Variants in TATDN3 observed in about 807,000 individuals in gnomAD.
TATDN3 encodes deoxyribonuclease TATDN3.
Under a neutral mutation model 40.1 loss-of-function variants are expected in TATDN3, and 29 were observed. That is an observed-to-expected ratio of 0.72 (90% CI 0.54 to 0.99). The LOEUF is 0.99. Ranked by LOEUF, TATDN3 falls within the 50% of genes least tolerant of loss-of-function variation. The probability of loss-of-function intolerance (pLI) is 0.00; values close to 1 mark genes in which losing one functional copy is unlikely to be tolerated. For synonymous variants in TATDN3, 105 were observed against 117.0 expected (o/e 0.90, Z 0.66); for missense variants, 309 against 321.9 (o/e 0.96, Z 0.31).
chr1:212,796,657 A>G (rs923116472), intron 3 of TATDN3, 67 bp downstream of exon 3: 1 of 1,108,202 alleles, frequency 9.0e-7, no homozygotes. Flanking sequence ...CCAGTTTATA[A>G]TATCAAAGAT....
chr1:212,815,324 GA>G lies in TATDN3; in HGVS notation c.*171del. 1 of 769,854 alleles carries G rather than the reference GA, an allele frequency of 1.3e-6. No individual in the cohort carries two copies. Among genetic ancestry groups the G allele is most frequent in the Non-Finnish European group, 1.9e-6 (1 of 538,036 alleles). The allele number at this position is 769,854 out of a possible 1,614,324, so 47.7% of individuals were successfully genotyped here. ...AGAAATAAAACTGGGCTTGGATCCT[GA>G]AACCCTGGGTTCTGATTCTAGCCTT... On this transcript the variant is annotated 3_prime_UTR_variant, in exon 10 of 10. Transcript: ENST00000366974.
intron 2 of TATDN3, among the ~76,000 whole-genome samples, chr1:212,795,770 G>A (rs963968794): frequency 1.3e-5 from 2 of 151,816 alleles, no homozygotes; most frequent in African/African-American, 4.8e-5. Flanking sequence ...GGCCTTTCTC[G>A]ACTTTACCTC....
At chr1:212,811,927 T>C (rs1662910877) in intron 8 of TATDN3, among the ~76,000 whole-genome samples, 1 of 152,062 alleles carries the variant, frequency 6.6e-6, no homozygotes, top group South Asian at 2.1e-4. Context: ...AGTCTTGAAC[T>C]CCTGACCTTA....
intron 5 of TATDN3, among the ~76,000 whole-genome samples, chr1:212,803,728 T>G (rs1571961071): frequency 2.0e-5 from 3 of 151,726 alleles, no homozygotes; most frequent in Admixed American, 2.0e-4. Context: ...TTTCAAAGTT[T>G]TAGTACCAAA....
intron 1 of TATDN3, among the ~76,000 whole-genome samples, chr1:212,794,259 T>G (rs1661571711): frequency 7.1e-6 from 1 of 140,754 alleles, no homozygotes; most frequent in Admixed American, 7.2e-5. Context: ...CCAGCCTGGG[T>G]GACAGAGCGA....
intron 5 of TATDN3, among the ~76,000 whole-genome samples, chr1:212,803,625 C>T (rs915617327): frequency 8.6e-5 from 13 of 151,842 alleles, no homozygotes; most frequent in Admixed American, 5.9e-4. Flanking sequence ...TAGTCTGTGC[C>T]GTCCAATATA....
rs1178117903 is a variant in TATDN3, at chr1:212,810,479, G to A, written c.601-1769G>A. ...GTGAGCCGAGATCGCGCCACTGCAC[G>A]CCAGCCTGGGTGACAGAGCGAGACT... On this transcript the variant is annotated intron_variant, in intron 8 of 9. Coordinates refer to ENST00000366974, the MANE Select transcript of TATDN3 (RefSeq NM_001042552.3). 1.1e-4 allele frequency among the ~76,000 whole-genome samples: 14 copies of A among 126,834 alleles called. No individual in the cohort carries two copies. In the South Asian group the frequency reaches 1.6e-3, roughly 15 times the overall value. 83.2% of individuals were successfully genotyped at this position (126,834 alleles called of 152,430 possible). A position where few individuals can be genotyped will look rare whatever the true frequency, so the allele number is the denominator to read the frequency against.
chr1:212,792,044 C>T (rs1048839553), intron 1 of TATDN3, 57 bp downstream of exon 1: 1 of 1,561,104 alleles, frequency 6.4e-7, no homozygotes. Flanking sequence ...CCTTTCCCCT[C>T]GTGTTATCTT....
chr1:212,799,105 T>A (rs565108159), intron 4 of TATDN3, among the ~76,000 whole-genome samples: 1 of 152,154 alleles, frequency 6.6e-6, no homozygotes, highest in Non-Finnish European at 1.5e-5. Flanking sequence ...ATAAGCTCAG[T>A]GTAGTCAAGA....
rs754664501 is a variant in TATDN3, at chr1:212,797,093, G to C, written c.174-19G>C. On this transcript the variant is annotated intron_variant, in intron 3 of 9. Transcript: ENST00000366974. ...CTAGTCTACTGTTCCTGCTTTCTCA[G>C]TTGGTTCTACATTTTTAGGTATAAT... is the stretch of plus-strand genomic sequence containing the variant. The C allele has an allele frequency of 6.2e-7, 1 of 1,601,152 alleles. No homozygotes were observed. Among genetic ancestry groups the C allele is most frequent in the Non-Finnish European group, 8.6e-7 (1 of 1,168,340 alleles).
At chr1:212,798,349 G>C (rs760578277) in intron 4 of TATDN3, among the ~76,000 whole-genome samples, 5 of 151,036 alleles carry the variant, frequency 3.3e-5, no homozygotes, top group Admixed American at 6.6e-5. Context: ...TAATAATAAT[G>C]TATCTCTCTT....
intron 3 of TATDN3, 62 bp from the exon 4 acceptor site, chr1:212,797,050 A>G (rs1287525756): frequency 2.3e-6 from 3 of 1,299,534 alleles, no homozygotes; most frequent in Non-Finnish European, 2.2e-6. Flanking sequence ...CTTATTCTTT[A>G]GAATACGTTG....
chr1:212,809,642 G>T (rs1476648092), intron 8 of TATDN3, among the ~76,000 whole-genome samples: 1 of 150,526 alleles, frequency 6.6e-6, no homozygotes, highest in Non-Finnish European at 1.5e-5. Context: ...CCGAGATCGC[G>T]CCACTGCACT....
At chr1:212,799,258 G>A (rs1373556449) in intron 4 of TATDN3, among the ~76,000 whole-genome samples, 2 of 152,124 alleles carry the variant, frequency 1.3e-5, no homozygotes, top group East Asian at 1.9e-4. Context: ...GTACCAAGAC[G>A]TAATTTATGT....
chr1:212,815,234 T>C lies in TATDN3; in HGVS notation c.*78T>C. 6.7e-7 allele frequency: 1 copy of C among 1,488,870 alleles called. No homozygotes were observed. Among genetic ancestry groups the C allele is most frequent in the Non-Finnish European group, 9.0e-7 (1 of 1,113,222 alleles). 92.2% of individuals were successfully genotyped at this position (1,488,870 alleles called of 1,614,324 possible). On this transcript the variant is annotated 3_prime_UTR_variant, in exon 10 of 10. Transcript: ENST00000366974. ...AAAATAGAAATGTTCTGATGAAGAA[T>C]CTGAACTGAAGAAGCTGTTTTATAG...
intron 8 of TATDN3, among the ~76,000 whole-genome samples, chr1:212,808,285 C>T (rs1317217533): frequency 6.8e-6 from 1 of 147,506 alleles, no homozygotes; most frequent in Non-Finnish European, 1.5e-5. Context: ...GCACTCCAGC[C>T]TGGTCAACAA....
rs1267289664 is a variant in TATDN3 at position 212,816,812 on chromosome 1, CT to C, written c.*1660del. Among the ~76,000 whole-genome samples, 3 of 152,164 alleles carry C rather than the reference CT, an allele frequency of 2.0e-5. No individual in the cohort carries two copies. The highest frequency in any genetic ancestry group is 2.0e-4 in the Admixed American group (3 of 15,260). On this transcript the variant is annotated 3_prime_UTR_variant, in exon 10 of 10. Coordinates refer to ENST00000366974, the MANE Select transcript of TATDN3 (RefSeq NM_001042552.3). ...AACAGGAGATTATATTAAAACTGGA[CT>C]TTTAAGCTCTCTTCCAACTCTGTAT...
At chr1:212,809,067 C>T (rs1402557955) in intron 8 of TATDN3, among the ~76,000 whole-genome samples, 1 of 152,132 alleles carries the variant, frequency 6.6e-6, no homozygotes, top group Non-Finnish European at 1.5e-5. Flanking sequence ...CTGAGTCATG[C>T]TACAGCATGG....
At chr1:212,809,624 G>T (rs1662741267) in intron 8 of TATDN3, among the ~76,000 whole-genome samples, 1 of 151,812 alleles carries the variant, frequency 6.6e-6, no homozygotes, top group Non-Finnish European at 1.5e-5. Flanking sequence ...GGCAGAGCCT[G>T]CAGTGAGCCG....
Sources: gnomAD v4.1 joint callset for allele counts (sites outside exome capture counted in the v4.1 genomes callset) on GRCh38, gnomAD v4.1.1 for gene constraint, MANE v1.5 for transcripts, NCBI Gene and HGNC (gene_info 2026-07-23, HGNC 2026-07-21) for gene names.